The following HNRNPL variants were observed in gnomAD, a reference collection of about 807,000 sequenced individuals.
HNRNPL encodes the protein epididymis secretory sperm binding protein.
A neutral mutation model predicts 64.0 loss-of-function variants in HNRNPL; 12 were observed. That is an observed-to-expected ratio of 0.19 (90% confidence interval 0.12 to 0.30). The LOEUF (loss-of-function observed/expected upper bound fraction) is 0.30, where lower values mean the gene tolerates loss of function less well. HNRNPL is among the 10% of genes least tolerant of loss of function. The probability of loss-of-function intolerance (pLI) is 1.00; values close to 1 mark genes in which losing one functional copy is unlikely to be tolerated. For synonymous variants in HNRNPL, 385 were observed against 313.0 expected (o/e 1.23, Z -2.43); for missense variants, 484 against 797.4 (o/e 0.61, Z 4.73).
Position 38,836,769 on chromosome 19 carries a change from G to C in HNRNPL, c.1723C>G (p.Pro575Ala). The C allele has an allele frequency of 6.2e-7, 1 of 1,612,586 alleles. No homozygotes were observed. The highest frequency in any genetic ancestry group is 8.5e-7 in the Non-Finnish European group (1 of 1,179,420). The change falls in exon 13 of 13, where the codon CCT (proline) becomes GCT (alanine). Residue 575 changes from proline (P) to alanine (A), a missense_variant. Physicochemically the swap from Pro to Ala is conservative, Grantham distance 27 (BLOSUM62 -1). This residue lies in a region of HNRNPL where 69 missense variants were observed against 91.8 expected (regional missense o/e 0.75). Transcript: ENST00000221419. ...GAGAAACACAACTTCAGAGTGTAAG[G>C]GTATGGACCATCTGCAAAGGAGAGA... ...YQMKNPNGPY[P>A]YTLKLCFSTA... is the part of the protein sequence containing the mutation.
At chr19:38,843,487 T>A in intron 6 of HNRNPL, 2 of 285,146 alleles carry the variant, frequency 7.0e-6, no homozygotes, top group Non-Finnish European at 6.7e-6. Context: ...GGACAATTCC[T>A]GGTCCAGCAA....
At chr19:38,836,803 G>A (rs752296749) in intron 12 of HNRNPL, 23 bp from the exon 13 acceptor site, 1 of 1,594,838 alleles carries the variant, frequency 6.3e-7, no homozygotes. Flanking sequence ...GACAAGTTTG[G>A]TTGGTTCCCG....
At position 38,849,729 on chromosome 19, in the gene HNRNPL, C is replaced by A; in HGVS notation, c.238G>T (p.Ala80Ser). The change falls in exon 1 of 13, where the codon GCC becomes TCC. Residue 80 changes from alanine to serine, a missense_variant. Ala to Ser is a moderately conservative substitution (Grantham distance 99). Around this residue, in one of 9 missense-constraint regions of HNRNPL, gnomAD observed 190 missense variants for 160.1 expected, o/e 1.19. Coordinates refer to ENST00000221419, the MANE Select transcript of HNRNPL (RefSeq NM_001533.3). The part of the protein sequence containing the change: ...HGGGGGGGGG[A>S]GAAGGGGGGE... ...CCGCCGCCGCCGCCCGCCGCCCCGG[C>A]TCCTCCACCGCCACCGCCGCCGCCT... The A allele has an allele frequency of 7.2e-7, 1 of 1,383,346 alleles. No individual in the cohort carries two copies. 85.7% of individuals were successfully genotyped at this position (1,383,346 alleles called of 1,614,324 possible).
chr19:38,847,969 T>C (rs956256997), intron 1 of HNRNPL, among the ~76,000 whole-genome samples: 14 of 152,248 alleles, frequency 9.2e-5, no homozygotes, highest in African/African-American at 2.9e-4. Context: ...AAACAACACA[T>C]GCCCCAGAAA....
intron 6 of HNRNPL, 56 bp downstream of exon 6, chr19:38,843,786 C>G: frequency 7.0e-7 from 1 of 1,421,716 alleles, no homozygotes; most frequent in Non-Finnish European, 9.9e-7. Context: ...ATTAAGTGCA[C>G]TAGTCGAGTG....
intron 6 of HNRNPL, among the ~76,000 whole-genome samples, chr19:38,842,740 G>A (rs762064201): frequency 2.0e-5 from 3 of 150,694 alleles, no homozygotes; most frequent in Non-Finnish European, 3.0e-5. Context: ...ATCAGCCCTC[G>A]TTTTTTTTTG....
intron 6 of HNRNPL, chr19:38,841,846 A>T (rs543434210): frequency 2.6e-6 from 1 of 387,830 alleles, no homozygotes; most frequent in South Asian, 1.9e-5. Context: ...AAGGTGTATG[A>T]AGTGGGTAGT....
In HNRNPL at chr19:38,840,282, C is replaced by G. The variant is rs556772050; in HGVS notation, c.1047G>C (p.Val349=). 6.3e-6 allele frequency: 10 copies of G among 1,576,630 alleles called. No homozygotes were observed. The highest frequency in any genetic ancestry group is 1.8e-5 in the Admixed American group (1 of 56,632). Residue 349 remains valine (V), a synonymous_variant, in exon 8 of 13, where the codon GTG becomes GTC. Transcript: ENST00000221419. ...HYEGRRMGPP[V]GGHRRGPSRY... ...GACTTGGGCCCCGACGGTGACCCCC[C>G]ACTGGTGGACCCATCCTTCTCCCTT... is the stretch of plus-strand genomic sequence containing the variant.
chr19:38,846,747 A>G (rs566421567), intron 2 of HNRNPL, among the ~76,000 whole-genome samples: 4 of 152,184 alleles, frequency 2.6e-5, no homozygotes, highest in African/African-American at 9.6e-5. Flanking sequence ...TCTCTACTAA[A>G]AATACAAAAA....
chr19:38,849,148 G>A (rs987210666), intron 1 of HNRNPL, among the ~76,000 whole-genome samples: 4 of 152,242 alleles, frequency 2.6e-5, no homozygotes, highest in African/African-American at 9.7e-5. Flanking sequence ...CATTTCACAA[G>A]TCCTCTTCCC....
At chr19:38,852,019 G>A (rs937759363), upstream of HNRNPL, among the ~76,000 whole-genome samples, 30 of 151,830 alleles carry the variant, frequency 2.0e-4, no homozygotes, top group Non-Finnish European at 3.5e-4. Flanking sequence ...GAGGAATGCG[G>A]TGGGGGGAGG....
At chr19:38,850,315 C>T (rs1399797552), upstream of HNRNPL, 3 of 252,232 alleles carry the variant, frequency 1.2e-5, no homozygotes, top group African/African-American at 6.7e-5. Flanking sequence ...CCGCCTCCCT[C>T]CCACTTTCAT....
rs548303538 is a variant in HNRNPL, at chr19:38,847,952, G to C, written c.268-518C>G. On this transcript the variant is annotated intron_variant, in intron 1 of 12. Coordinates refer to ENST00000221419, the MANE Select transcript of HNRNPL (RefSeq NM_001533.3). Reference sequence around the variant, plus strand: ...CACCACTCACACCCAGGTTCAGTCAGGGCAAAAAACAACACATGCCCCAGA... The same window carrying C: ...CACCACTCACACCCAGGTTCAGTCACGGCAAAAAACAACACATGCCCCAGA... 3.9e-5 allele frequency among the ~76,000 whole-genome samples: 6 copies of C among 152,230 alleles called. No individual in the cohort carries two copies. In the East Asian group the frequency reaches 1.2e-3, roughly 29 times the overall value.
Position 38,849,850 on chromosome 19 carries a change from G to T in HNRNPL, c.117C>A (p.Gly39=). ...SGAMVKMAAA[G]GGGGGGRYYG... ...AGTAGCGGCCACCGCCGCCTCCGCC[G>T]CCCGCCGCCGCCATCTTCACCATCG... Residue 39 remains glycine (G), a synonymous_variant, in exon 1 of 13, where the codon GGC becomes GGA. Coordinates refer to ENST00000221419, the MANE Select transcript of HNRNPL (RefSeq NM_001533.3). The T allele has an allele frequency of 8.4e-7, 1 of 1,197,318 alleles. No homozygotes were observed. The highest frequency in any genetic ancestry group is 1.2e-6 in the Non-Finnish European group (1 of 850,818). 74.2% of individuals were successfully genotyped at this position (1,197,318 alleles called of 1,614,324 possible).
chr19:38,840,326 G>A lies in HNRNPL; in HGVS notation c.1003C>T (p.Pro335Ser). ...CTCCCTTCGTAGTGAGGTGGGGGGG[G>A]CCCGTAGCCCTCATCATGGTAATGG... is the stretch of plus-strand genomic sequence containing the variant. ...HSHYHDEGYGPPPPHYEGRRM... is the reference protein window; with the variant it reads ...HSHYHDEGYGSPPPHYEGRRM... Residue 335 changes from proline to serine, a missense_variant, in exon 8 of 13, where the codon CCC becomes TCC. Physicochemically the swap from Pro to Ser is moderately conservative, Grantham distance 74 (BLOSUM62 -1). Coordinates refer to ENST00000221419, the MANE Select transcript of HNRNPL (RefSeq NM_001533.3). 1.3e-6 allele frequency: 2 copies of A among 1,539,420 alleles called. No homozygotes were observed. Among genetic ancestry groups the A allele is most frequent in the Non-Finnish European group, 8.8e-7 (1 of 1,136,566 alleles).
At position 38,849,742 on chromosome 19, in the gene HNRNPL, ACCGCCG is replaced by A. The variant is rs930534287; in HGVS notation, c.219_224del (p.Gly78_Gly79del). 21 of 1,384,736 alleles carry A rather than the reference ACCGCCG, an allele frequency of 1.5e-5. No homozygotes were observed. The highest frequency in any genetic ancestry group is 7.8e-5 in the African/African-American group (5 of 64,098). The allele number at this position is 1,384,736 out of a possible 1,614,324, so 85.8% of individuals were successfully genotyped here. A position where few individuals can be genotyped will look rare whatever the true frequency, so the allele number is the denominator to read the frequency against. On this transcript the variant is annotated inframe_deletion, in exon 1 of 13. Transcript: ENST00000221419. ...CCGCCGCCCCGGCTCCTCCACCGCCACCGCCGCCGCCTCCGTGCTGGTCGCCGGCGT... is the reference window on the plus strand; with the variant it reads ...CCGCCGCCCCGGCTCCTCCACCGCCACCGCCTCCGTGCTGGTCGCCGGCGT...
chr19:38,838,743 T>G, intron 9 of HNRNPL, 145 bp from the exon 10 acceptor site: 1 of 1,307,728 alleles, frequency 7.6e-7, no homozygotes, highest in Non-Finnish European at 1.1e-6. Context: ...CTTTCTCCTG[T>G]GGTGTCAGAG....
intron 6 of HNRNPL, 118 bp from the exon 7 acceptor site, chr19:38,840,677 T>C: frequency 1.2e-6 from 1 of 807,996 alleles, no homozygotes; most frequent in Admixed American, 2.5e-5. Flanking sequence ...CCTCCCTTCC[T>C]CGAGGGCTGT....
rs1248380094 is a variant in HNRNPL, at chr19:38,836,791, G to A, written c.1712-11C>T. 7 of 1,609,400 alleles carry A rather than the reference G, an allele frequency of 4.3e-6. No individual in the cohort carries two copies. The highest frequency in any genetic ancestry group is 5.9e-6 in the Non-Finnish European group (7 of 1,177,954). ...AAGGGTATGGACCATCTGCAAAGGA[G>A]AGACAAGTTTGGTTGGTTCCCGTCT... On this transcript the variant is annotated splice_polypyrimidine_tract_variant and intron_variant, in intron 12 of 12. Transcript: ENST00000221419.
Sources: gnomAD v4.1 joint callset for allele counts (sites outside exome capture counted in the v4.1 genomes callset) on GRCh38, gnomAD v4.1.1 for gene constraint, gnomAD v4.1.1 regional missense constraint, MANE v1.5 for transcripts, NCBI Gene and HGNC (gene_info 2026-07-23, HGNC 2026-07-21) for gene names.